Variants in VPS28 observed in about 807,000 individuals in gnomAD.
VPS28 encodes VPS28 subunit of ESCRT-I.
VPS28 carries 29 observed loss-of-function variants against 33.7 expected under a neutral mutation model. The ratio of observed to expected loss-of-function variants is 0.86; its 90% confidence interval spans 0.64 to 1.17. The LOEUF is 1.17. VPS28 is among the 50% of genes most tolerant of loss of function. The pLI is 0.00. For missense variants in VPS28, 247 were observed against 312.2 expected (o/e 0.79, Z 1.57); for synonymous variants, 164 against 116.7 (o/e 1.40, Z -2.61).
intron 5 of VPS28, chr8:144,425,307 C>A: frequency 1.7e-6 from 1 of 587,282 alleles, no homozygotes; most frequent in Non-Finnish European, 3.0e-6. Flanking sequence ...GCGACCAGCC[C>A]TCTGTTGTGA....
chr8:144,424,915 C>T (rs1554876294), intron 6 of VPS28, 31 bp downstream of exon 6: 1 of 1,605,246 alleles, frequency 6.2e-7, no homozygotes, highest in African/African-American at 1.3e-5. Flanking sequence ...GACAGTCTCG[C>T]CCCATGGGGG....
chr8:144,425,586 G>A, intron 5 of VPS28, 97 bp downstream of exon 5: 1 of 1,321,838 alleles, frequency 7.6e-7, no homozygotes, highest in Non-Finnish European at 1.1e-6. Flanking sequence ...CCACACAAGT[G>A]GGTGCCTCCC....
At chr8:144,426,795 G>T in intron 2 of VPS28, 114 bp downstream of exon 2, 1 of 1,220,126 alleles carries the variant, frequency 8.2e-7, no homozygotes, top group Non-Finnish European at 1.2e-6. Context: ...CCACCCCCAA[G>T]GCTGTACGAG....
rs1398586731 is a variant in VPS28, at chr8:144,424,937, G to A, written c.300+9C>T. The A allele has an allele frequency of 1.3e-6, 2 of 1,592,276 alleles. No homozygotes were observed. The highest frequency in any genetic ancestry group is 8.6e-7 in the Non-Finnish European group (1 of 1,168,702). On this transcript the variant is annotated intron_variant, in intron 6 of 9. Transcript: ENST00000292510. ...TCGCCCCATGGGGGTGGAAGGACCA[G>A]GCACTCACGCGGAACTTGCGGCAGA...
intron 2 of VPS28, 85 bp downstream of exon 2, chr8:144,426,824 C>T (rs1822789455): frequency 6.6e-7 from 1 of 1,509,142 alleles, no homozygotes; most frequent in African/African-American, 1.4e-5. Context: ...CAGATACCTC[C>T]CCACCCCCGA....
At chr8:144,426,532 C>A in intron 2 of VPS28, 2 of 431,664 alleles carry the variant, frequency 4.6e-6, no homozygotes, top group Non-Finnish European at 4.2e-6. Context: ...GCCCAGCTCC[C>A]CAGCTCCACC....
intron 1 of VPS28, among the ~76,000 whole-genome samples, chr8:144,427,698 T>G (rs958953613): frequency 6.6e-5 from 10 of 152,080 alleles, no homozygotes; most frequent in Admixed American, 2.6e-4. Context: ...TGCCCCTAGT[T>G]GGGCAGCGAG....
At chr8:144,425,470 G>T (rs1822666275) in intron 5 of VPS28, 14 of 595,984 alleles carry the variant, frequency 2.3e-5, no homozygotes, top group Non-Finnish European at 3.9e-5. Flanking sequence ...GTGGGGGAGT[G>T]GGCCGGATGA....
intron 5 of VPS28, chr8:144,425,301 C>A: frequency 3.4e-6 from 2 of 583,316 alleles, no homozygotes; most frequent in Non-Finnish European, 6.1e-6. Context: ...ACCACAGCGA[C>A]CAGCCCTCTG....
intron 4 of VPS28, 93 bp downstream of exon 4, chr8:144,425,933 C>T: frequency 1.4e-6 from 2 of 1,475,156 alleles, no homozygotes; most frequent in East Asian, 5.0e-5. Context: ...CTGCGTCCTC[C>T]CACCCCTCAG....
rs781963698 is a variant in VPS28, at chr8:144,423,781, T to G, written c.*24A>C. ...GCCATCGCCTCAGACTCTGCCCTTC[T>G]GTGCAAGGGCTAGTGCCCCGGGCTC... On this transcript the variant is annotated 3_prime_UTR_variant, in exon 10 of 10. Coordinates refer to ENST00000292510, the MANE Select transcript of VPS28 (RefSeq NM_016208.4). 1.9e-6 allele frequency: 3 copies of G among 1,612,858 alleles called. No individual in the cohort carries two copies. In the South Asian group the frequency reaches 3.3e-5, roughly 18 times the overall value.
In VPS28 at chr8:144,425,299, G is replaced by A. The variant is rs1040917248; in HGVS notation, c.195-248C>T. The A allele has an allele frequency of 7.4e-5, 41 of 556,306 alleles. 1 individual carries two copies. The highest frequency in any genetic ancestry group is 6.5e-4 in the South Asian group (32 of 49,204). 34.5% of individuals were successfully genotyped at this position (556,306 alleles called of 1,614,324 possible). On this transcript the variant is annotated intron_variant, in intron 5 of 9. Transcript: ENST00000292510. ...CCCTGCCCACCCTCTGAACCACAGC[G>A]ACCAGCCCTCTGTTGTGATGGCCGC...
chr8:144,426,315 G>T (rs1822740193), intron 2 of VPS28, 107 bp from the exon 3 acceptor site: 1 of 1,400,374 alleles, frequency 7.1e-7, no homozygotes, highest in Non-Finnish European at 9.4e-7. Context: ...CCCAGGCTGG[G>T]TCCCAAAGAG....
Position 144,426,918 on chromosome 8 carries a change from C to T in VPS28, c.28G>A (p.Gly10Ser). 6.2e-7 allele frequency: 1 copy of T among 1,612,684 alleles called. No individual in the cohort carries two copies. The highest frequency in any genetic ancestry group is 8.5e-7 in the Non-Finnish European group (1 of 1,179,804). ...TTCCAGCCACACTCACCTCCTATGCCCGGCGTGGCTGGGATCCCATGAAAC... is the reference window on the plus strand; with the variant it reads ...TTCCAGCCACACTCACCTCCTATGCTCGGCGTGGCTGGGATCCCATGAAAC... MFHGIPATP[G>S]IGAPGNKPEL... Residue 10 changes from glycine to serine, a missense_variant, in exon 2 of 10, where the codon GGC becomes AGC. Transcript: ENST00000292510.
At chr8:144,424,695 G>A (rs201895138) in intron 7 of VPS28, 23 bp downstream of exon 7, 57 of 1,607,436 alleles carry the variant, frequency 3.5e-5, no homozygotes, top group Middle Eastern at 3.3e-4. Flanking sequence ...TCCTAACCAC[G>A]TGCCCTGGGG....
intron 7 of VPS28, 167 bp from the exon 8 acceptor site, chr8:144,424,435 G>T: frequency 1.0e-6 from 1 of 974,016 alleles, no homozygotes; most frequent in Non-Finnish European, 1.5e-6. Flanking sequence ...TGGCTGCCCA[G>T]ACAGCTGTGT....
In VPS28 at chr8:144,423,635, T is replaced by G; in HGVS notation, c.*170A>C. ...CAAGCAGGAAGGTCGGAGAGCATCT[T>G]TATTGTGGGGAGGGGCCCGGCCCCC... On this transcript the variant is annotated 3_prime_UTR_variant, in exon 10 of 10. Transcript: ENST00000292510. 8 of 821,396 alleles carry G rather than the reference T, an allele frequency of 9.7e-6. No homozygotes were observed. Among genetic ancestry groups the G allele is most frequent in the Non-Finnish European group, 1.5e-5 (8 of 518,088 alleles). The allele number at this position is 821,396 out of a possible 1,614,324, so 50.9% of individuals were successfully genotyped here. A position where few individuals can be genotyped will look rare whatever the true frequency, so the allele number is the denominator to read the frequency against.
At chr8:144,426,087 G>A (rs1554876659) in intron 3 of VPS28, 24 bp from the exon 4 acceptor site, 1 of 1,555,496 alleles carries the variant, frequency 6.4e-7, no homozygotes, top group Non-Finnish European at 8.7e-7. Context: ...CGGGCTCTGT[G>A]GGCCAGTGCC....
chr8:144,425,107 T>C (rs892310935), intron 5 of VPS28, 56 bp from the exon 6 acceptor site: 2 of 1,481,572 alleles, frequency 1.3e-6, no homozygotes, highest in South Asian at 2.4e-5. Context: ...CAGCTCATCC[T>C]ACCCCCTCGG....
Sources: allele counts gnomAD v4.1 joint callset (sites outside exome capture counted in the v4.1 genomes callset), GRCh38; gene constraint gnomAD v4.1.1; transcripts MANE v1.5; gene names NCBI Gene and HGNC (gene_info 2026-07-23, HGNC 2026-07-21).